The following SGCZ variants were observed in gnomAD, a reference collection of about 807,000 sequenced individuals.
The protein encoded by SGCZ is sarcoglycan zeta.
A neutral mutation model predicts 41.3 loss-of-function variants in SGCZ; 40 were observed. The ratio of observed to expected loss-of-function variants is 0.97; its 90% CI spans 0.75 to 1.26. The LOEUF (loss-of-function observed/expected upper bound fraction) is 1.26, where lower values mean the gene tolerates loss of function less well. SGCZ is among the 50% of genes most tolerant of loss of function. The pLI is 0.00. For synonymous variants in SGCZ, 206 were observed against 137.5 expected (o/e 1.50, Z -3.49); for missense variants, 552 against 369.8 (o/e 1.49, Z -4.04).
chr8:14,607,486 G>C (rs1434074110), intron 1 of SGCZ, among the ~76,000 whole-genome samples: 2 of 152,064 alleles, frequency 1.3e-5, no homozygotes, highest in African/African-American at 2.4e-5. Context: ...TTTTCAAACA[G>C]ACATCATTTC....
At chr8:14,379,995 G>A (rs998700804) in intron 2 of SGCZ, among the ~76,000 whole-genome samples, 1 of 152,140 alleles carries the variant, frequency 6.6e-6, no homozygotes, top group Non-Finnish European at 1.5e-5. Context: ...GGCCTCCGAA[G>A]TGCTGGGATT....
intron 3 of SGCZ, among the ~76,000 whole-genome samples, chr8:14,270,096 C>T (rs936902181): frequency 3.4e-4 from 52 of 152,026 alleles, no homozygotes; most frequent in African/African-American, 1.0e-3. Context: ...CTTTGGGAGG[C>T]CGAGGCAAGT....
chr8:14,719,707 T>A (rs1197411193), intron 1 of SGCZ, among the ~76,000 whole-genome samples: 9 of 152,064 alleles, frequency 5.9e-5, no homozygotes, highest in South Asian at 4.2e-4. Context: ...GGTTGTTTGT[T>A]TTTTTCTTGT....
At chr8:14,249,734 A>C (rs1168178990) in intron 3 of SGCZ, among the ~76,000 whole-genome samples, 1 of 152,120 alleles carries the variant, frequency 6.6e-6, no homozygotes, top group Non-Finnish European at 1.5e-5. Flanking sequence ...CAACTAAATA[A>C]ATGTGGGGTG....
At chr8:15,032,996 C>A (rs1803736378) in intron 1 of SGCZ, among the ~76,000 whole-genome samples, 1 of 152,032 alleles carries the variant, frequency 6.6e-6, no homozygotes, top group South Asian at 2.1e-4. Flanking sequence ...AGCACCCCTA[C>A]TCCAAGGCAA....
In SGCZ at chr8:14,296,309, A is replaced by C. The variant is rs1006893848; in HGVS notation, c.336+27794T>G. On this transcript the variant is annotated intron_variant, in intron 3 of 7. Coordinates refer to ENST00000382080, the MANE Select transcript of SGCZ (RefSeq NM_139167.4). ...TACACATGGAGAGAAGCAGCAATCC[A>C]TGATCCATACCCAGGAGAAAAGCTG... Among the ~76,000 whole-genome samples, 6 of 152,234 alleles carry C rather than the reference A, an allele frequency of 3.9e-5. No homozygotes were observed. In the East Asian group the frequency reaches 7.7e-4, roughly 20 times the overall value.
chr8:14,173,285 A>G lies in SGCZ; in HGVS notation c.425-8583T>C, dbSNP rs1804444763. ...AAATCAGCAATAGAATGGGGCCCAG[A>G]TTTGCTCCATATGCTAGAGTTAGCA... On this transcript the variant is annotated intron_variant, in intron 4 of 7. Transcript: ENST00000382080. Among the ~76,000 whole-genome samples, 3 of 152,188 alleles carry G rather than the reference A, an allele frequency of 2.0e-5. No homozygotes were observed. The South Asian group carries it at 6.2e-4, about 32-fold the overall frequency.
intron 1 of SGCZ, among the ~76,000 whole-genome samples, chr8:15,086,747 T>G (rs1008666480): frequency 6.6e-6 from 1 of 152,168 alleles, no homozygotes; most frequent in South Asian, 2.1e-4. Flanking sequence ...ACCTGGAATA[T>G]TTTCAAATAT....
intron 1 of SGCZ, among the ~76,000 whole-genome samples, chr8:15,129,697 G>C (rs922099557): frequency 9.8e-5 from 9 of 91,620 alleles, no homozygotes; most frequent in African/African-American, 3.7e-4. Flanking sequence ...TAAAGTCAGA[G>C]AAGCATTTGC....
In SGCZ at chr8:14,764,368, C is replaced by G. The variant is rs189901883; in HGVS notation, c.40-209442G>C. 1.4e-4 allele frequency among the ~76,000 whole-genome samples: 21 copies of G among 152,308 alleles called. No individual in the cohort carries two copies. In the East Asian group the frequency reaches 4.1e-3, roughly 29 times the overall value. ...TACTTCTGAATTGCAAAAGGCAATG[C>G]ATATCCTTACAATAAAAGAAACTAA... On this transcript the variant is annotated intron_variant, in intron 1 of 7. Coordinates refer to ENST00000382080, the MANE Select transcript of SGCZ (RefSeq NM_139167.4).
chr8:14,883,765 G>T (rs909102396), intron 1 of SGCZ, among the ~76,000 whole-genome samples: 1 of 146,984 alleles, frequency 6.8e-6, no homozygotes, highest in African/African-American at 2.5e-5. Context: ...TATCTTTGCT[G>T]GCATCCTGTT....
intron 1 of SGCZ, among the ~76,000 whole-genome samples, chr8:15,035,251 A>T (rs1227445078): frequency 6.6e-6 from 1 of 152,182 alleles, no homozygotes. Flanking sequence ...TAATGCAATT[A>T]AAGCTAATTT....
chr8:14,836,042 T>C (rs918587381), intron 1 of SGCZ, among the ~76,000 whole-genome samples: 42 of 152,222 alleles, frequency 2.8e-4, no homozygotes, highest in African/African-American at 1.0e-3. Context: ...GGTAAATCTA[T>C]TCTTCCCTTT....
At chr8:14,833,711 G>C (rs886438597) in intron 1 of SGCZ, among the ~76,000 whole-genome samples, 1 of 152,140 alleles carries the variant, frequency 6.6e-6, no homozygotes, top group South Asian at 2.1e-4. Context: ...GCTATAGGAA[G>C]AAGCAGCATA....
chr8:14,159,422 A>T (rs1284930668), intron 5 of SGCZ, among the ~76,000 whole-genome samples: 2 of 152,204 alleles, frequency 1.3e-5, no homozygotes, highest in Non-Finnish European at 2.9e-5. Context: ...TGCTTAGAGG[A>T]AACAGCTTAT....
chr8:15,192,066 T>C (rs908706333), intron 1 of SGCZ, among the ~76,000 whole-genome samples: 8 of 152,132 alleles, frequency 5.3e-5, no homozygotes, highest in Non-Finnish European at 1.2e-4. Context: ...TTAGAGCTAC[T>C]ATTATATTCC....
intron 5 of SGCZ, among the ~76,000 whole-genome samples, chr8:14,111,995 A>G (rs961101891): frequency 6.6e-6 from 1 of 152,160 alleles, no homozygotes; most frequent in African/African-American, 2.4e-5. Flanking sequence ...TATAAATGTT[A>G]TATCCTACGC....
intron 1 of SGCZ, among the ~76,000 whole-genome samples, chr8:15,082,038 G>A (rs1365436116): frequency 6.6e-6 from 1 of 151,970 alleles, no homozygotes; most frequent in Non-Finnish European, 1.5e-5. Context: ...CGACCAACCT[G>A]GCCAACATGG....
At chr8:14,643,132 AC>A (rs1204052108) in intron 1 of SGCZ, among the ~76,000 whole-genome samples, 1 of 151,696 alleles carries the variant, frequency 6.6e-6, no homozygotes, top group African/African-American at 2.4e-5. Flanking sequence ...AAATTTTAAA[AC>A]ATGAATAGCA....
Sources: gnomAD v4.1 joint callset for allele counts (sites outside exome capture counted in the v4.1 genomes callset) on GRCh38, gnomAD v4.1.1 for gene constraint, MANE v1.5 for transcripts, NCBI Gene and HGNC (gene_info 2026-07-23, HGNC 2026-07-21) for gene names.